Variants in MEIKIN observed in about 807,000 individuals in gnomAD.
MEIKIN encodes meiosis-specific kinetochore protein.
intron 9 of MEIKIN, among the ~76,000 whole-genome samples, chr5:131,871,375 C>A (rs1750494142): frequency 6.6e-6 from 1 of 152,236 alleles, no homozygotes; most frequent in Non-Finnish European, 1.5e-5. Flanking sequence ...CTCAGAGGGT[C>A]CTACGCCCAG....
At chr5:131,886,365 TAATC>T (rs1258490936) in intron 8 of MEIKIN, among the ~76,000 whole-genome samples, 1 of 152,088 alleles carries the variant, frequency 6.6e-6, no homozygotes, top group Non-Finnish European at 1.5e-5. Flanking sequence ...AGGCATTTAA[TAATC>T]AAAGTCTTAA....
At chr5:131,891,550 TTTTG>T (rs1236698438) in intron 8 of MEIKIN, among the ~76,000 whole-genome samples, 2 of 152,210 alleles carry the variant, frequency 1.3e-5, no homozygotes, top group African/African-American at 4.8e-5. Context: ...CCCTGCCTTT[TTTTG>T]TTTTCCATTT....
intron 8 of MEIKIN, among the ~76,000 whole-genome samples, chr5:131,896,980 G>T (rs1580896548): frequency 6.6e-6 from 1 of 152,130 alleles, no homozygotes; most frequent in East Asian, 1.9e-4. Context: ...CCTAGCATCG[G>T]TGGTCTTTAC....
chr5:131,905,709 G>C (rs950262426), intron 8 of MEIKIN, among the ~76,000 whole-genome samples: 2 of 151,930 alleles, frequency 1.3e-5, no homozygotes, highest in Non-Finnish European at 1.5e-5. Flanking sequence ...CAGACCAATA[G>C]AGAAACAAAA....
chr5:131,848,044 T>C (rs1328675768), intron 11 of MEIKIN, among the ~76,000 whole-genome samples: 2 of 152,082 alleles, frequency 1.3e-5, no homozygotes. Context: ...TAAAGGGAAA[T>C]TTATGGCTAT....
At chr5:131,914,957 A>G (rs986084359) in intron 7 of MEIKIN, among the ~76,000 whole-genome samples, 2 of 152,160 alleles carry the variant, frequency 1.3e-5, no homozygotes, top group African/African-American at 4.8e-5. Flanking sequence ...ACTCTAGGAG[A>G]TGTCCATACA....
At chr5:131,915,523 T>G (rs996360050) in intron 7 of MEIKIN, among the ~76,000 whole-genome samples, 4 of 152,176 alleles carry the variant, frequency 2.6e-5, no homozygotes, top group Non-Finnish European at 4.4e-5. Flanking sequence ...TTGTCCAAAC[T>G]GGAACATTTC....
intron 8 of MEIKIN, among the ~76,000 whole-genome samples, chr5:131,881,852 G>T (rs1750707030): frequency 6.6e-6 from 1 of 152,062 alleles, no homozygotes; most frequent in Non-Finnish European, 1.5e-5. Flanking sequence ...GAAGAGTCTT[G>T]CCTGTTCTTG....
At chr5:131,886,706 A>G (rs576837027) in intron 8 of MEIKIN, among the ~76,000 whole-genome samples, 4 of 152,298 alleles carry the variant, frequency 2.6e-5, no homozygotes, top group Admixed American at 2.6e-4. Flanking sequence ...ATAAGAAATA[A>G]TGTGAAGGTA....
At chr5:131,880,869 T>A (rs1342518346) in intron 8 of MEIKIN, among the ~76,000 whole-genome samples, 2 of 152,250 alleles carry the variant, frequency 1.3e-5, no homozygotes, top group African/African-American at 4.8e-5. Context: ...AAACACTGAA[T>A]AATATTTTAG....
rs79311004 is a variant in MEIKIN at position 131,939,496 on chromosome 5, C to T, written c.349+3139G>A. ...TCTTTTTGAACCTACAGCTTTACAA[C>T]ATTTTTATGCCTTTATTGATATTTT... On this transcript the variant is annotated intron_variant, in intron 4 of 12. Transcript: ENST00000442687. Among the ~76,000 whole-genome samples, 711 of 151,964 alleles carry T rather than the reference C, an allele frequency of 4.7e-3. 8 individuals are homozygous for T. Among genetic ancestry groups the T allele is most frequent in the African/African-American group, 0.016 (675 of 41,446 alleles).
At chr5:131,835,282 A>G (rs752878155) in intron 11 of MEIKIN, among the ~76,000 whole-genome samples, 6 of 151,856 alleles carry the variant, frequency 4.0e-5, no homozygotes, top group Non-Finnish European at 8.8e-5. Context: ...CTTATCAGAT[A>G]TGTGGTTTGC....
chr5:131,936,413 A>C (rs1321958622), intron 4 of MEIKIN, among the ~76,000 whole-genome samples: 1 of 152,174 alleles, frequency 6.6e-6, no homozygotes, highest in African/African-American at 2.4e-5. Context: ...AAATTAAATA[A>C]ATTCAATGTT....
At chr5:131,887,973 C>T (rs1344044925) in intron 8 of MEIKIN, among the ~76,000 whole-genome samples, 1 of 121,128 alleles carries the variant, frequency 8.3e-6, no homozygotes, top group South Asian at 2.7e-4. Flanking sequence ...GGTTTTTTGT[C>T]CTTGTGATAG....
intron 8 of MEIKIN, among the ~76,000 whole-genome samples, chr5:131,902,988 C>A (rs1377123324): frequency 1.3e-5 from 2 of 152,156 alleles, no homozygotes; most frequent in African/African-American, 4.8e-5. Context: ...AAAAAATACA[C>A]TCTGAGAATT....
At chr5:131,837,616 G>A (rs879090453) in intron 11 of MEIKIN, among the ~76,000 whole-genome samples, 2 of 151,904 alleles carry the variant, frequency 1.3e-5, no homozygotes, top group Admixed American at 6.6e-5. Context: ...TCTTTTTCTG[G>A]CAATTCTGAA....
chr5:131,896,503 T>C (rs1296329588), intron 8 of MEIKIN, among the ~76,000 whole-genome samples: 1 of 152,202 alleles, frequency 6.6e-6, no homozygotes, highest in Non-Finnish European at 1.5e-5. Flanking sequence ...CCATTATTAT[T>C]GTGTGGGAGT....
chr5:131,827,601 A>C (rs1258501999), intron 11 of MEIKIN, among the ~76,000 whole-genome samples: 1 of 152,206 alleles, frequency 6.6e-6, no homozygotes, highest in African/African-American at 2.4e-5. Flanking sequence ...ATTCAAGACA[A>C]AAGAAAACAT....
chr5:131,818,967 T>C (rs1749423157), intron 11 of MEIKIN, 104 bp from the exon 12 acceptor site: 4 of 386,300 alleles, frequency 1.0e-5, no homozygotes, highest in Admixed American at 4.5e-5. Flanking sequence ...ATTTCTTAGA[T>C]ATTAATAACA....
Sources: gnomAD v4.1 joint callset for allele counts (sites outside exome capture counted in the v4.1 genomes callset) on GRCh38, gnomAD v4.1.1 for gene constraint, MANE v1.5 for transcripts, NCBI Gene and HGNC (gene_info 2026-07-23, HGNC 2026-07-21) for gene names.